COL4A3: variants seen among roughly 807,000 people sequenced by gnomAD.
The protein encoded by COL4A3 is collagen type IV alpha 3 chain, also known as collagen alpha-3(IV) chain.
COL4A3 carries 135 observed loss-of-function variants against 217.4 expected under a neutral mutation model. The ratio of observed to expected loss-of-function variants is 0.62; its 90% CI spans 0.54 to 0.72. The LOEUF (loss-of-function observed/expected upper bound fraction) is 0.72. COL4A3 is among the 30% of genes least tolerant of loss of function. The pLI, the probability that COL4A3 is intolerant of heterozygous loss-of-function variation, is 0.00. For missense variants in COL4A3, 1,868 were observed against 2,119.9 expected, an observed-to-expected ratio of 0.88 and a Z score of 2.33; for synonymous variants, 690 against 736.3, an observed-to-expected ratio of 0.94 and a Z score of 1.02.
chr2:227,177,879 C>T (rs1299157043), intron 1 of COL4A3, among the ~76,000 whole-genome samples: 1 of 152,082 alleles, frequency 6.6e-6, no homozygotes, highest in Non-Finnish European at 1.5e-5. Flanking sequence ...TCAAATAGCT[C>T]TTACTTTACT....
intron 1 of COL4A3, among the ~76,000 whole-genome samples, chr2:227,233,853 A>G (rs1159704913): frequency 6.6e-6 from 1 of 152,048 alleles, no homozygotes. Flanking sequence ...GATTCTTGCA[A>G]CTGTGATAGC....
chr2:227,287,405 T>C (rs1486897603), intron 34 of COL4A3, among the ~76,000 whole-genome samples: 2 of 150,676 alleles, frequency 1.3e-5, no homozygotes, highest in Non-Finnish European at 2.9e-5. Context: ...CACTCCAGCA[T>C]GGCGAGAAAG....
intron 19 of COL4A3, chr2:227,260,126 C>T (rs909833199): frequency 4.6e-6 from 3 of 648,710 alleles, no homozygotes; most frequent in Admixed American, 3.7e-5. Flanking sequence ...GTCATGGAAA[C>T]ATTTGCTGGA....
At chr2:227,183,236 A>T (rs1205373781) in intron 1 of COL4A3, among the ~76,000 whole-genome samples, 1 of 152,228 alleles carries the variant, frequency 6.6e-6, no homozygotes, top group Admixed American at 6.5e-5. Flanking sequence ...TACGTTCTTC[A>T]TGGCCACCAT....
chr2:227,307,949 G>A, intron 48 of COL4A3, 30 bp downstream of exon 48: 1 of 1,591,484 alleles, frequency 6.3e-7, no homozygotes, highest in South Asian at 1.1e-5. Flanking sequence ...TGCCAGTTGT[G>A]CTGTTCCACA....
At chr2:227,231,897 G>T (rs2068426962) in intron 1 of COL4A3, among the ~76,000 whole-genome samples, 1 of 105,188 alleles carries the variant, frequency 9.5e-6, no homozygotes, top group South Asian at 3.7e-4. Context: ...CTACCAAATA[G>T]TCTTATTCAT....
chr2:227,249,230 A>ATATATATATATATATTTTTT, intron 9 of COL4A3, among the ~76,000 whole-genome samples: 4 of 14,690 alleles, frequency 2.7e-4, no homozygotes, highest in African/African-American at 5.3e-4. Context: ...ATATATATAT[A>ATATATATATATATATTTTTT]TTTTTTTTTT....
At chr2:227,184,601 A>G (rs746141074) in intron 1 of COL4A3, among the ~76,000 whole-genome samples, 38 of 152,140 alleles carry the variant, frequency 2.5e-4, no homozygotes, top group Admixed American at 8.5e-4. Flanking sequence ...CTTTATTAAT[A>G]TATCCTTTTA....
chr2:227,177,514 TA>T (rs2065723035), intron 1 of COL4A3, among the ~76,000 whole-genome samples: 1 of 152,124 alleles, frequency 6.6e-6, no homozygotes, highest in Non-Finnish European at 1.5e-5. Context: ...ATTGGTACCA[TA>T]AGTTATTTAA....
intron 1 of COL4A3, among the ~76,000 whole-genome samples, chr2:227,235,140 G>T (rs2068620620): frequency 6.7e-6 from 1 of 148,776 alleles, no homozygotes; most frequent in South Asian, 2.1e-4. Context: ...GGGTGGGAGG[G>T]GGCACTGAGG....
rs754260014 is a variant in COL4A3, at chr2:227,298,822, GA to G, written c.3882+11del. The stretch of plus-strand genomic sequence containing the variant: ...ACCACCAGGTCGTCTGGTGAGTATG[GA>G]TAATTATTTTGACTCATTATTAATT... On this transcript the variant is annotated intron_variant, in intron 43 of 51. Coordinates refer to ENST00000396578, the MANE Select transcript of COL4A3 (RefSeq NM_000091.5). 6.2e-7 allele frequency: 1 copy of G among 1,612,186 alleles called. No individual in the cohort carries two copies. Among genetic ancestry groups the G allele is most frequent in the African/African-American group, 1.3e-5 (1 of 74,804 alleles).
chr2:227,199,198 A>G (rs946777823), intron 1 of COL4A3, among the ~76,000 whole-genome samples: 8 of 152,336 alleles, frequency 5.3e-5, no homozygotes, highest in Non-Finnish European at 8.8e-5. Context: ...GATGTTTATC[A>G]CAAGAAAAAT....
At chr2:227,174,787 G>A (rs539132085) in intron 1 of COL4A3, among the ~76,000 whole-genome samples, 5 of 152,274 alleles carry the variant, frequency 3.3e-5, no homozygotes, top group Non-Finnish European at 7.4e-5. Flanking sequence ...GATTATAGGC[G>A]TGAGCCCCTG....
intron 20 of COL4A3, 112 bp from the exon 21 acceptor site, chr2:227,263,668 T>C: frequency 9.1e-7 from 1 of 1,097,046 alleles, no homozygotes; most frequent in Non-Finnish European, 1.3e-6. Context: ...GTTATGTACC[T>C]CTCCATTGTG....
intron 50 of COL4A3, 61 bp downstream of exon 50, chr2:227,309,379 C>G: frequency 2.3e-6 from 3 of 1,318,744 alleles, no homozygotes; most frequent in Non-Finnish European, 3.2e-6. Context: ...TTACATTGTG[C>G]TGGGTAAAAT....
Position 227,263,776 on chromosome 2 carries a change from C to T in COL4A3, c.1151-4C>T. On this transcript the variant is annotated splice_region_variant and splice_polypyrimidine_tract_variant and intron_variant, in intron 20 of 51. Coordinates refer to ENST00000396578, the MANE Select transcript of COL4A3 (RefSeq NM_000091.5). ...AAATACAAGAAATGATTATTTTCTC[C>T]AAGGATCATCAAGGCCTGGCCTCAG... 2 of 1,612,690 alleles carry T rather than the reference C, an allele frequency of 1.2e-6. No individual in the cohort carries two copies. The highest frequency in any genetic ancestry group is 4.5e-5 in the East Asian group (2 of 44,844).
intron 1 of COL4A3, among the ~76,000 whole-genome samples, chr2:227,203,333 A>G (rs549718815): frequency 1.7e-5 from 1 of 57,766 alleles, no homozygotes; most frequent in Non-Finnish European, 3.1e-5. Context: ...GTGTATACAT[A>G]CATATATGTG....
At chr2:227,258,743 A>C (rs1459734251) in intron 18 of COL4A3, among the ~76,000 whole-genome samples, 4 of 152,210 alleles carry the variant, frequency 2.6e-5, no homozygotes, top group Admixed American at 2.6e-4. Flanking sequence ...TTTTGGAGGG[A>C]GCACATTCAA....
chr2:227,290,240 G>A, intron 36 of COL4A3, 152 bp downstream of exon 36: 3 of 732,736 alleles, frequency 4.1e-6, no homozygotes, highest in East Asian at 5.7e-5. Flanking sequence ...GCTCATGCCT[G>A]TAATCCCAGC....
Sources: allele counts gnomAD v4.1 joint callset (sites outside exome capture counted in the v4.1 genomes callset), GRCh38; gene constraint gnomAD v4.1.1; transcripts MANE v1.5; gene names NCBI Gene and HGNC (gene_info 2026-07-23, HGNC 2026-07-21).